The following PPP3R1 variants were observed in gnomAD, a reference collection of about 807,000 sequenced individuals.
PPP3R1 encodes the protein calcineurin subunit B type 1.
A neutral mutation model predicts 22.6 loss-of-function variants in PPP3R1; 5 were observed. That is an observed-to-expected ratio of 0.22 (90% CI 0.12 to 0.46). The LOEUF is 0.46. PPP3R1 is among the 20% of genes least tolerant of loss of function. The pLI is 0.99. For synonymous variants in PPP3R1, 56 were observed against 65.2 expected, an observed-to-expected ratio of 0.86 and a Z score of 0.68; for missense variants, 61 against 203.2, an observed-to-expected ratio of 0.30 and a Z score of 4.25.
At chr2:68,205,839 G>A (rs1240578683) in intron 2 of PPP3R1, among the ~76,000 whole-genome samples, 1 of 151,320 alleles carries the variant, frequency 6.6e-6, no homozygotes, top group East Asian at 1.9e-4. Flanking sequence ...TTTTTTTTGA[G>A]AGGGGGTTTC....
intron 2 of PPP3R1, among the ~76,000 whole-genome samples, chr2:68,200,502 G>C (rs1205733574): frequency 6.6e-6 from 1 of 152,150 alleles, no homozygotes; most frequent in Non-Finnish European, 1.5e-5. Flanking sequence ...ATCTAGCATA[G>C]AAAAGCCATG....
intron 1 of PPP3R1, among the ~76,000 whole-genome samples, chr2:68,232,219 A>G (rs1419464920): frequency 6.3e-5 from 2 of 31,964 alleles, no homozygotes; most frequent in South Asian, 1.3e-3. Context: ...TTGTATATGT[A>G]TATATGTGTG....
chr2:68,189,281 C>T (rs1205929632), intron 2 of PPP3R1, among the ~76,000 whole-genome samples: 1 of 149,096 alleles, frequency 6.7e-6, no homozygotes, highest in African/African-American at 2.4e-5. Context: ...TCCAGAGATA[C>T]TTTGCAAGTT....
At chr2:68,195,669 C>T (rs979154752) in intron 2 of PPP3R1, among the ~76,000 whole-genome samples, 1 of 152,114 alleles carries the variant, frequency 6.6e-6, no homozygotes, top group African/African-American at 2.4e-5. Flanking sequence ...TTTCTTTCTA[C>T]ATTAATTGGG....
At chr2:68,212,059 A>G (rs1669498105) in intron 2 of PPP3R1, among the ~76,000 whole-genome samples, 1 of 152,146 alleles carries the variant, frequency 6.6e-6, no homozygotes, top group African/African-American at 2.4e-5. Flanking sequence ...TGGCAAATCT[A>G]TAATAGTGAA....
In PPP3R1 at chr2:68,233,577, A is replaced by C. The variant is rs1357826781; in HGVS notation, c.4-16446T>G. ...GTACACTGTAAGCAATCAATTAATA[A>C]ATCCAAATATTCAAAATTAACACCT... On this transcript the variant is annotated intron_variant, in intron 1 of 5. Coordinates refer to ENST00000234310, the MANE Select transcript of PPP3R1 (RefSeq NM_000945.4). Among the ~76,000 whole-genome samples, 3 of 152,294 alleles carry C rather than the reference A, an allele frequency of 2.0e-5. No individual in the cohort carries two copies. In the East Asian group the frequency reaches 5.8e-4, roughly 29 times the overall value.
intron 5 of PPP3R1, among the ~76,000 whole-genome samples, chr2:68,181,392 C>CA (rs70949678): frequency 0.039 from 4,156 of 107,382 alleles, 100 homozygotes; most frequent in Middle Eastern, 0.083. Flanking sequence ...GACTCCATCT[C>CA]AAAAAAAAAA....
intron 2 of PPP3R1, among the ~76,000 whole-genome samples, chr2:68,202,596 T>G (rs1008777244): frequency 1.3e-5 from 2 of 149,044 alleles, no homozygotes; most frequent in African/African-American, 5.0e-5. Flanking sequence ...GGCTAATTTT[T>G]CTATTTTTAG....
At chr2:68,222,022 G>A (rs1041527228) in intron 1 of PPP3R1, among the ~76,000 whole-genome samples, 14 of 152,000 alleles carry the variant, frequency 9.2e-5, no homozygotes, top group African/African-American at 2.4e-4. Context: ...CAGATGGAAA[G>A]CTGGATCTAG....
At chr2:68,219,525 G>C (rs1669645601) in intron 1 of PPP3R1, among the ~76,000 whole-genome samples, 1 of 152,086 alleles carries the variant, frequency 6.6e-6, no homozygotes, top group East Asian at 1.9e-4. Context: ...GTGGGCTATA[G>C]TTTATTGATC....
chr2:68,249,288 T>A (rs1171834334), intron 1 of PPP3R1, among the ~76,000 whole-genome samples: 1 of 149,854 alleles, frequency 6.7e-6, no homozygotes, highest in African/African-American at 2.5e-5. Flanking sequence ...ATTCCGCTGG[T>A]CATAAGACAG....
At chr2:68,201,361 G>C (rs1674971964) in intron 2 of PPP3R1, among the ~76,000 whole-genome samples, 1 of 152,080 alleles carries the variant, frequency 6.6e-6, no homozygotes, top group Non-Finnish European at 1.5e-5. Flanking sequence ...CTCCTCCAAA[G>C]CTTAATGTGG....
At chr2:68,222,474 T>C (rs1041689179) in intron 1 of PPP3R1, among the ~76,000 whole-genome samples, 14 of 152,206 alleles carry the variant, frequency 9.2e-5, no homozygotes, top group African/African-American at 1.4e-4. Flanking sequence ...GTAAAACTGA[T>C]TGGATAACAT....
At chr2:68,227,038 CTAGA>C (rs1374971382) in intron 1 of PPP3R1, among the ~76,000 whole-genome samples, 1 of 151,986 alleles carries the variant, frequency 6.6e-6, no homozygotes, top group Non-Finnish European at 1.5e-5. Context: ...TTAAACTCTA[CTAGA>C]TAAAGATGTC....
intron 2 of PPP3R1, among the ~76,000 whole-genome samples, chr2:68,204,806 T>G (rs933563068): frequency 6.6e-6 from 1 of 152,220 alleles, no homozygotes; most frequent in African/African-American, 2.4e-5. Flanking sequence ...GAGTTGTCTA[T>G]GTAATCCAGC....
intron 1 of PPP3R1, among the ~76,000 whole-genome samples, chr2:68,227,490 C>T (rs370002741): frequency 5.9e-5 from 9 of 151,452 alleles, no homozygotes; most frequent in South Asian, 4.2e-4. Flanking sequence ...GCATGAATGT[C>T]GGGGACAGAA....
At chr2:68,224,506 C>CA (rs1028291654) in intron 1 of PPP3R1, among the ~76,000 whole-genome samples, 3 of 151,182 alleles carry the variant, frequency 2.0e-5, no homozygotes, top group Admixed American at 6.6e-5. Flanking sequence ...ACTGAAAATA[C>CA]AAAAAAAACT....
chr2:68,200,926 C>T (rs568190258), intron 2 of PPP3R1, among the ~76,000 whole-genome samples: 21 of 152,228 alleles, frequency 1.4e-4, no homozygotes, highest in Admixed American at 3.9e-4. Flanking sequence ...CAAATCAATA[C>T]AGGCAGTAAG....
In PPP3R1 at chr2:68,252,324, A is replaced by C. The variant is rs1670386158; in HGVS notation, c.-197T>G. On this transcript the variant is annotated 5_prime_UTR_variant, in exon 1 of 6. Coordinates refer to ENST00000234310, the MANE Select transcript of PPP3R1 (RefSeq NM_000945.4). ...CGATTGGGCACGCGAGGGAGCGGGC[A>C]GGGTAGGGGGAAATAAATTAAGGTC... is the stretch of plus-strand genomic sequence containing the variant. 2 of 1,015,946 alleles carry C rather than the reference A, an allele frequency of 2.0e-6. No homozygotes were observed. The highest frequency in any genetic ancestry group is 2.3e-6 in the Non-Finnish European group (2 of 851,698). 62.9% of individuals were successfully genotyped at this position (1,015,946 alleles called of 1,614,324 possible). A position where few individuals can be genotyped will look rare whatever the true frequency, so the allele number is the denominator to read the frequency against.
Sources: gnomAD v4.1 joint callset for allele counts (sites outside exome capture counted in the v4.1 genomes callset) on GRCh38, gnomAD v4.1.1 for gene constraint, MANE v1.5 for transcripts, NCBI Gene and HGNC (gene_info 2026-07-23, HGNC 2026-07-21) for gene names.